KRT72: variants seen among roughly 807,000 people sequenced by gnomAD.
KRT72 encodes the protein keratin, type II cytoskeletal 72.
In KRT72, 44 loss-of-function variants were observed where a neutral mutation model predicts 44.7. That is an observed-to-expected ratio of 0.98 (90% confidence interval 0.77 to 1.27). The LOEUF is 1.27. KRT72 is among the 50% of genes most tolerant of loss of function. The pLI is 0.00. For synonymous variants in KRT72, 302 were observed against 280.4 expected (o/e 1.08, Z -0.77); for missense variants, 736 against 667.1 (o/e 1.10, Z -1.14).
At chr12:52,588,386 T>G (rs1939862674) in intron 6 of KRT72, among the ~76,000 whole-genome samples, 1 of 152,280 alleles carries the variant, frequency 6.6e-6, no homozygotes, top group South Asian at 2.1e-4. Context: ...GAAGATACCT[T>G]TACTTAACTG....
chr12:52,596,835 A>C (rs10876312), intron 2 of KRT72, among the ~76,000 whole-genome samples: 2,909 of 152,300 alleles, frequency 0.019, 50 homozygotes, highest in Non-Finnish European at 0.031. Context: ...ACAGGCCACA[A>C]GAAGTAAACT....
intron 2 of KRT72, among the ~76,000 whole-genome samples, chr12:52,595,655 T>G (rs1201952219): frequency 6.6e-6 from 1 of 152,220 alleles, no homozygotes; most frequent in African/African-American, 2.4e-5. Context: ...TGTATTCGTG[T>G]ACAAAAACAT....
chr12:52,588,023 A>G (rs1939849168), intron 6 of KRT72, among the ~76,000 whole-genome samples, 172 bp from the exon 7 acceptor site: 1 of 152,222 alleles, frequency 6.6e-6, no homozygotes, highest in South Asian at 2.1e-4. Context: ...AACTCCAGGC[A>G]TGGTTCACCC....
chr12:52,587,931 T>C, intron 6 of KRT72, 80 bp from the exon 7 acceptor site: 2 of 1,371,384 alleles, frequency 1.5e-6, no homozygotes, highest in Non-Finnish European at 2.0e-6. Context: ...CCTTGTTTTG[T>C]CCTGACTGAT....
Position 52,592,411 on chromosome 12 carries a change from C to A in KRT72, c.783G>T (p.Lys261Asn). The change falls in exon 4 of 9, where the codon AAG becomes AAT. Residue 261 changes from lysine (K) to asparagine (N), a missense_variant. Physicochemically the swap from Lys to Asn is moderately conservative, Grantham distance 94 (BLOSUM62 0). Transcript: ENST00000293745. ...DSLTDEIKFF[K>N]CLYEGEITQI... ...AAGTCCTTACCCCTTCATAAAGGCA[C>A]TTGAAGAATTTAATCTCATCTGTCA... 1.2e-6 allele frequency: 2 copies of A among 1,612,610 alleles called. No homozygotes were observed. The highest frequency in any genetic ancestry group is 1.7e-6 in the Non-Finnish European group (2 of 1,178,650).
chr12:52,587,618 TCCGG>T lies in KRT72; in HGVS notation c.1310+9_1310+12del, dbSNP rs769598194. Reference sequence around the variant, plus strand: ...GAAAACTGGTCCCGACACAAGGGTATCCGGCCCCTCACCTGCACTCCTCGCTCTC... The same window carrying T: ...GAAAACTGGTCCCGACACAAGGGTATCCCCTCACCTGCACTCCTCGCTCTC... On this transcript the variant is annotated intron_variant, in intron 7 of 8. Transcript: ENST00000293745. 5 of 1,613,744 alleles carry T rather than the reference TCCGG, an allele frequency of 3.1e-6. No homozygotes were observed. The African/African-American group carries it at 4.0e-5, about 13-fold the overall frequency.
intron 2 of KRT72, among the ~76,000 whole-genome samples, chr12:52,598,412 C>G (rs1940290500): frequency 6.6e-6 from 1 of 152,224 alleles, no homozygotes; most frequent in South Asian, 2.1e-4. Context: ...TTCAGCTCAA[C>G]TTGGAGGAGG....
chr12:52,591,540 A>C lies in KRT72; in HGVS notation c.887T>G (p.Ile296Ser). 1 of 1,614,078 alleles carries C rather than the reference A, an allele frequency of 6.2e-7. No homozygotes were observed. The highest frequency in any genetic ancestry group is 8.5e-7 in the Non-Finnish European group (1 of 1,179,958). ...CTCGTACTGGGCACGGACCTCGGCA[A>C]TGATGCTGTCCAGGTCCAGATCCCG... ...NNRDLDLDSI[I>S]AEVRAQYEEI... is the part of the protein sequence containing the mutation. Residue 296 changes from isoleucine to serine, a missense_variant, in exon 5 of 9, where the codon ATT becomes AGT. Coordinates refer to ENST00000293745, the MANE Select transcript of KRT72 (RefSeq NM_080747.3).
At position 52,587,658 on chromosome 12, in the gene KRT72, C is replaced by A. The variant is rs11170183; in HGVS notation, c.1283G>T (p.Arg428Leu). 0.25 allele frequency: 396,639 copies of A among 1,613,674 alleles called. 51,413 individuals are homozygous for A. The highest frequency in any genetic ancestry group is 0.34 in the South Asian group (30,675 of 91,074). Residue 428 changes from arginine (R) to leucine (L), a missense_variant, in exon 7 of 9, where the codon CGC (arginine) becomes CTC (leucine). Physicochemically the swap from Arg to Leu is moderately radical, Grantham distance 102. Transcript: ENST00000293745. Reference protein sequence around the residue: ...LALDMEIATYRKLLESEECRM... With the variant: ...LALDMEIATYLKLLESEECRM... The stretch of plus-strand genomic sequence containing the variant: ...GCACTCCTCGCTCTCCAGCAGCTTG[C>A]GGTAGGTGGCGATCTCCATATCCAG...
At chr12:52,586,751 G>A (rs1939766285) in intron 8 of KRT72, among the ~76,000 whole-genome samples, 195 bp downstream of exon 8, 2 of 152,140 alleles carry the variant, frequency 1.3e-5, no homozygotes, top group Non-Finnish European at 2.9e-5. Context: ...TCTATAGGTT[G>A]TACTTTTGTC....
chr12:52,585,860 TG>T lies in KRT72; in HGVS notation c.*121del. ...CCTTGAGGACAACAGGGAGAGGAAA[TG>T]GGGTTGGGACTGTAGTGACAGACAA... On this transcript the variant is annotated 3_prime_UTR_variant, in exon 9 of 9. Transcript: ENST00000293745. 1 of 859,774 alleles carries T rather than the reference TG, an allele frequency of 1.2e-6. No individual in the cohort carries two copies. The highest frequency in any genetic ancestry group is 1.8e-6 in the Non-Finnish European group (1 of 541,640). The allele number at this position is 859,774 out of a possible 1,614,324, so 53.3% of individuals were successfully genotyped here.
rs1424363855 is a variant in KRT72 at position 52,590,898 on chromosome 12, T to C, written c.1027A>G (p.Ile343Val). ...GDDLKLTKAE[I>V]SELNRLIQRI... ...TGGATCAGGCGGTTGAGCTCAGAGA[T>C]TTCAGCCTTGGTGAGCTTGAGGTCA... The change falls in exon 6 of 9, where the codon ATC becomes GTC. Residue 343 changes from isoleucine (I) to valine (V), a missense_variant. Physicochemically the swap from Ile to Val is conservative, Grantham distance 29. Transcript: ENST00000293745. 2 of 1,607,552 alleles carry C rather than the reference T, an allele frequency of 1.2e-6. No homozygotes were observed. Among genetic ancestry groups the C allele is most frequent in the East Asian group, 2.2e-5 (1 of 44,794 alleles).
chr12:52,585,953 T>C lies in KRT72; in HGVS notation c.*29A>G. The C allele has an allele frequency of 1.3e-6, 2 of 1,596,388 alleles. No individual in the cohort carries two copies. Among genetic ancestry groups the C allele is most frequent in the Non-Finnish European group, 1.7e-6 (2 of 1,168,760 alleles). On this transcript the variant is annotated 3_prime_UTR_variant, in exon 9 of 9. Coordinates refer to ENST00000293745, the MANE Select transcript of KRT72 (RefSeq NM_080747.3). Reference sequence around the variant, plus strand: ...GAGGAGACGGGTGAGTTGGGAAGCCTTCTGCTCACAGAGCCAACCACTTGT... The same window carrying C: ...GAGGAGACGGGTGAGTTGGGAAGCCCTCTGCTCACAGAGCCAACCACTTGT...
In KRT72 at chr12:52,586,881, A is replaced by G; in HGVS notation, c.1345+65T>C. 2.2e-5 allele frequency: 32 copies of G among 1,445,822 alleles called. 1 individual carries two copies. The South Asian group carries it at 3.3e-4, about 15-fold the overall frequency. 89.6% of individuals were successfully genotyped at this position (1,445,822 alleles called of 1,614,324 possible). ...ATTCTGATTTCTCTTTTGTGTCATG[A>G]ATTAAAGGGACTCGGACTTCTGGTA... On this transcript the variant is annotated intron_variant, in intron 8 of 8. Coordinates refer to ENST00000293745, the MANE Select transcript of KRT72 (RefSeq NM_080747.3).
At chr12:52,591,370 A>G in intron 5 of KRT72, 94 bp downstream of exon 5, 3 of 1,367,760 alleles carry the variant, frequency 2.2e-6, no homozygotes, top group Non-Finnish European at 3.0e-6. Context: ...ACACACACAC[A>G]CACAAACACA....
rs1342002290 is a variant in KRT72 at position 52,585,981 on chromosome 12, A to G, written c.*1T>C. The G allele has an allele frequency of 1.2e-6, 2 of 1,611,508 alleles. No homozygotes were observed. The highest frequency in any genetic ancestry group is 1.7e-6 in the Non-Finnish European group (2 of 1,178,416). On this transcript the variant is annotated 3_prime_UTR_variant, in exon 9 of 9. Transcript: ENST00000293745. ...TGCTCACAGAGCCAACCACTTGTCC[A>G]TCATCTGGAGGCCTTTTTGGTGGCA...
chr12:52,586,765 C>T (rs949394892), intron 8 of KRT72, among the ~76,000 whole-genome samples, 181 bp downstream of exon 8: 1 of 152,174 alleles, frequency 6.6e-6, no homozygotes, highest in Non-Finnish European at 1.5e-5. Flanking sequence ...TTTTGTCTCT[C>T]ATGATAGTCT....
chr12:52,588,641 C>A (rs1375981769), intron 6 of KRT72, among the ~76,000 whole-genome samples: 1 of 152,182 alleles, frequency 6.6e-6, no homozygotes, highest in Non-Finnish European at 1.5e-5. Flanking sequence ...ATGTAACAAA[C>A]CTGCACATCC....
intron 1 of KRT72, among the ~76,000 whole-genome samples, chr12:52,599,979 GTC>G (rs1441909069): frequency 6.6e-6 from 1 of 152,154 alleles, no homozygotes; most frequent in African/African-American, 2.4e-5. Context: ...TTATCAGGCT[GTC>G]CCCTTATCAC....
Sources: allele counts gnomAD v4.1 joint callset (sites outside exome capture counted in the v4.1 genomes callset), GRCh38; gene constraint gnomAD v4.1.1; transcripts MANE v1.5; gene names NCBI Gene and HGNC (gene_info 2026-07-23, HGNC 2026-07-21).